Variants in ZC3H3 observed in about 807,000 individuals in gnomAD.
ZC3H3 encodes the protein zinc finger CCCH domain-containing protein 3.
ZC3H3 carries 36 observed loss-of-function variants against 77.3 expected under a neutral mutation model. That is an observed-to-expected ratio of 0.47 (90% CI 0.36 to 0.61). The LOEUF (loss-of-function observed/expected upper bound fraction) is 0.61. ZC3H3 is among the 20% of genes least tolerant of loss of function. The pLI is 0.00. For synonymous variants in ZC3H3, 626 were observed against 555.2 expected (o/e 1.13, Z -1.79); for missense variants, 1,331 against 1,312.2 (o/e 1.01, Z -0.22).
chr8:143,451,963 A>T (rs142646213), intron 9 of ZC3H3, among the ~76,000 whole-genome samples: 2 of 152,306 alleles, frequency 1.3e-5, no homozygotes, highest in East Asian at 1.9e-4. Context: ...TCGGGGCACG[A>T]CTGGTGCTGG....
intron 9 of ZC3H3, among the ~76,000 whole-genome samples, chr8:143,461,946 G>A (rs200157669): frequency 9.9e-5 from 15 of 151,770 alleles, no homozygotes; most frequent in Admixed American, 9.2e-4. Context: ...GGAATTGTGT[G>A]GGAGGGAAAC....
chr8:143,450,577 G>A (rs780718655), intron 9 of ZC3H3, among the ~76,000 whole-genome samples: 6 of 152,210 alleles, frequency 3.9e-5, no homozygotes, highest in Admixed American at 6.5e-5. Context: ...AGAGGCCTCA[G>A]GGAGCTTCCA....
intron 9 of ZC3H3, among the ~76,000 whole-genome samples, chr8:143,445,907 G>C (rs1012912840): frequency 6.6e-6 from 1 of 152,106 alleles, no homozygotes; most frequent in Non-Finnish European, 1.5e-5. Flanking sequence ...TAATGGTCAA[G>C]AATAGCTGAA....
chr8:143,506,861 C>T (rs570514014), intron 4 of ZC3H3, among the ~76,000 whole-genome samples: 2 of 152,346 alleles, frequency 1.3e-5, no homozygotes, highest in South Asian at 2.1e-4. Flanking sequence ...TGGCTAGCAG[C>T]AGGGAACCAC....
chr8:143,477,747 C>A (rs1820777271), intron 4 of ZC3H3, among the ~76,000 whole-genome samples: 1 of 152,194 alleles, frequency 6.6e-6, no homozygotes, highest in Admixed American at 6.5e-5. Context: ...TCAGGCTGAG[C>A]CCAGGGCCCT....
chr8:143,475,054 G>A (rs1022859848), intron 5 of ZC3H3, among the ~76,000 whole-genome samples: 1 of 152,242 alleles, frequency 6.6e-6, no homozygotes, highest in South Asian at 2.1e-4. Context: ...CACGCGAGGT[G>A]GGCGCCACTC....
chr8:143,454,078 TC>T (rs1184896695), intron 9 of ZC3H3, among the ~76,000 whole-genome samples: 1 of 57,688 alleles, frequency 1.7e-5, no homozygotes, highest in Non-Finnish European at 3.0e-5. Context: ...CATAACTTTT[TC>T]TTTTTTTTTT....
intron 3 of ZC3H3, among the ~76,000 whole-genome samples, chr8:143,526,955 C>T (rs1048172477): frequency 2.0e-5 from 3 of 152,324 alleles, no homozygotes; most frequent in African/African-American, 7.2e-5. Flanking sequence ...ACAAGCCCTG[C>T]TGGCCATGCC....
intron 4 of ZC3H3, 80 bp from the exon 5 acceptor site, chr8:143,475,665 C>G (rs935192638): frequency 6.9e-7 from 1 of 1,443,288 alleles, no homozygotes; most frequent in African/African-American, 1.4e-5. Flanking sequence ...GGGCCGAGCC[C>G]AGGCCTGGCC....
chr8:143,533,497 A>C lies in ZC3H3; in HGVS notation c.1561+2760T>G, dbSNP rs908507880. Among the ~76,000 whole-genome samples, 2 of 152,112 alleles carry C rather than the reference A, an allele frequency of 1.3e-5. No individual in the cohort carries two copies. Among genetic ancestry groups the C allele is most frequent in the Non-Finnish European group, 2.9e-5 (2 of 68,020 alleles). ...GTGGCTGCCTGTCTCCACCACTGGA[A>C]GGCGGCTCCAGCCTCATCATCTCTT... On this transcript the variant is annotated intron_variant, in intron 3 of 11. Coordinates refer to ENST00000262577, the MANE Select transcript of ZC3H3 (RefSeq NM_015117.3). The surrounding 1 kb of genome is among the most constrained non-coding windows in gnomAD (Gnocchi z 4.0).
intron 2 of ZC3H3, among the ~76,000 whole-genome samples, chr8:143,537,279 G>A (rs965366272): frequency 8.5e-5 from 13 of 152,198 alleles, no homozygotes; most frequent in African/African-American, 2.7e-4. Context: ...TGGCCAAGGG[G>A]GCTGGGACCT....
rs116447203 is a variant in ZC3H3, at chr8:143,514,668, C to T, written c.1562-6769G>A. Among the ~76,000 whole-genome samples, 16 of 152,324 alleles carry T rather than the reference C, an allele frequency of 1.1e-4. No individual in the cohort carries two copies. The South Asian group carries it at 2.1e-3, about 20-fold the overall frequency. The stretch of plus-strand genomic sequence containing the variant: ...CGCCCCCTCAGGCCCTCGAGTTTCA[C>T]GCAGAGCCAGGCCATGCAGTTCAAA... On this transcript the variant is annotated intron_variant, in intron 3 of 11. Transcript: ENST00000262577.
chr8:143,452,112 C>T (rs150281165), intron 9 of ZC3H3, among the ~76,000 whole-genome samples: 2,122 of 152,354 alleles, frequency 0.014, 23 homozygotes, highest in Middle Eastern at 0.024. Flanking sequence ...CCAGCCAACA[C>T]GCAAAACCAC....
intron 4 of ZC3H3, among the ~76,000 whole-genome samples, chr8:143,498,206 T>C (rs537642606): frequency 6.6e-6 from 1 of 152,180 alleles, no homozygotes; most frequent in East Asian, 1.9e-4. Flanking sequence ...TCAGCCTGAG[T>C]GGCAGCAGCC....
chr8:143,523,422 C>A (rs1382413661), intron 3 of ZC3H3: 1 of 985,446 alleles, frequency 1.0e-6, no homozygotes, highest in South Asian at 4.7e-5. Context: ...GGTGCCCTGT[C>A]TGGAAGGTGA....
chr8:143,461,470 T>C (rs1820260163), intron 9 of ZC3H3, among the ~76,000 whole-genome samples: 1 of 152,158 alleles, frequency 6.6e-6, no homozygotes, highest in African/African-American at 2.4e-5. Context: ...CCTGTAGCCC[T>C]GCAGTGACCC....
At chr8:143,506,027 G>A (rs1359353212) in intron 4 of ZC3H3, among the ~76,000 whole-genome samples, 1 of 152,236 alleles carries the variant, frequency 6.6e-6, no homozygotes, top group African/African-American at 2.4e-5. Context: ...GCCGACAGGA[G>A]GCCCTGGGCG....
In ZC3H3 at chr8:143,494,522, C is replaced by T. The variant is rs1344586640; in HGVS notation, c.1715+13224G>A. ...CCCCTGCCAACAGGCCCACACAAGG[C>T]CCGGGCAGGTCAGGGCCTCAGAGCA... On this transcript the variant is annotated intron_variant, in intron 4 of 11. Coordinates refer to ENST00000262577, the MANE Select transcript of ZC3H3 (RefSeq NM_015117.3). The surrounding 1 kb of genome is among the most constrained non-coding windows in gnomAD (Gnocchi z 5.3). Among the ~76,000 whole-genome samples the T allele has an allele frequency of 6.6e-6, 1 of 152,192 alleles. No individual in the cohort carries two copies. Among genetic ancestry groups the T allele is most frequent in the Admixed American group, 6.5e-5 (1 of 15,288 alleles).
At chr8:143,536,849 C>T (rs1314063572) in intron 2 of ZC3H3, among the ~76,000 whole-genome samples, 3 of 152,180 alleles carry the variant, frequency 2.0e-5, no homozygotes, top group Non-Finnish European at 2.9e-5. Flanking sequence ...AAGTGGCCTG[C>T]CAAGCCCCTC....
Sources: gnomAD v4.1 joint callset for allele counts (sites outside exome capture counted in the v4.1 genomes callset) on GRCh38, gnomAD v4.1.1 for gene constraint, Gnocchi (gnomAD v3.1) non-coding constraint, MANE v1.5 for transcripts, NCBI Gene and HGNC (gene_info 2026-07-23, HGNC 2026-07-21) for gene names.